Variants in ENOX2 observed in about 807,000 individuals in gnomAD.
The protein encoded by ENOX2 is ecto-NOX disulfide-thiol exchanger 2.
A neutral mutation model predicts 45.0 loss-of-function variants in ENOX2; 36 were observed. The observed-to-expected ratio is 0.80, with a 90% CI of 0.61 to 1.06. The LOEUF (loss-of-function observed/expected upper bound fraction) is 1.06. ENOX2 is among the 50% of genes least tolerant of loss of function. The pLI, the probability that ENOX2 is intolerant of heterozygous loss-of-function variation, is 0.00. For synonymous variants in ENOX2, 174 were observed against 152.3 expected, an observed-to-expected ratio of 1.14 and a Z score of -1.05; for missense variants, 423 against 462.5, an observed-to-expected ratio of 0.91 and a Z score of 0.78.
chrX:130,894,415 T>C (rs897434621), intron 2 of ENOX2, among the ~76,000 whole-genome samples: 2 of 106,551 alleles, frequency 1.9e-5, no homozygotes. Flanking sequence ...ATTGTAGCTA[T>C]ATATGGAATA....
chrX:130,767,416 GA>G (rs1293786806), intron 3 of ENOX2, among the ~76,000 whole-genome samples: 2 of 111,446 alleles, frequency 1.8e-5, no homozygotes, highest in East Asian at 5.6e-4. Flanking sequence ...TCTGTCACTG[GA>G]ATATGGACAA....
intron 3 of ENOX2, among the ~76,000 whole-genome samples, chrX:130,716,395 A>G (rs1163861370): frequency 9.0e-6 from 1 of 111,249 alleles, no homozygotes; most frequent in African/African-American, 3.3e-5. Flanking sequence ...TGCTGCCAAA[A>G]CCTATTTGCT....
At position 130,763,332 on chromosome X, in the gene ENOX2, G is replaced by A. The variant is rs760233115; in HGVS notation, c.-39+20215C>T. Among the ~76,000 whole-genome samples, 5 of 111,263 alleles carry A rather than the reference G, an allele frequency of 4.5e-5. No homozygotes were observed. In the East Asian group the frequency reaches 1.4e-3, roughly 32 times the overall value. On this transcript the variant is annotated intron_variant, in intron 3 of 14. Coordinates refer to ENST00000394363, the MANE Select transcript of ENOX2 (RefSeq NM_006375.4). ...TAGTCTCCTTGTTACTGATGGGCAGGGGTGGGAGTTCCAGCTCCCCAGTAG... is the reference window on the plus strand; with the variant it reads ...TAGTCTCCTTGTTACTGATGGGCAGAGGTGGGAGTTCCAGCTCCCCAGTAG...
Position 130,667,682 on chromosome X carries a change from A to T in ENOX2, c.755T>A (p.Val252Asp). 1.7e-6 allele frequency: 2 copies of T among 1,210,576 alleles called. No homozygotes were observed. Among genetic ancestry groups the T allele is most frequent in the Non-Finnish European group, 2.2e-6 (2 of 894,703 alleles). The change falls in exon 8 of 15, where the codon GTC becomes GAC. Residue 252 changes from valine to aspartate, a missense_variant. Transcript: ENST00000394363. ...TLLTWIERGE[V>D]NRRSANNFYS... The stretch of plus-strand genomic sequence containing the variant: ...GAAGTTATTGGCGCTACGACGGTTG[A>T]CCTCTCCTCGCTCTATCCAGGTAAG...
At chrX:130,821,681 T>TA (rs1484806997) in intron 2 of ENOX2, among the ~76,000 whole-genome samples, 1 of 69,189 alleles carries the variant, frequency 1.4e-5, no homozygotes, top group African/African-American at 5.6e-5. Context: ...CCCTAAAACT[T>TA]AAAGTATAAT....
rs1424482214 is a variant in ENOX2 at position 130,724,521 on chromosome X, A to G, written c.-38-21267T>C. ...CTGTGCTTTGCAAGGAAATCTCACAAGGGAAAGGACTTTGCTTTGTTAGAG... is the reference window on the plus strand; with the variant it reads ...CTGTGCTTTGCAAGGAAATCTCACAGGGGAAAGGACTTTGCTTTGTTAGAG... On this transcript the variant is annotated intron_variant, in intron 3 of 14. Transcript: ENST00000394363. Among the ~76,000 whole-genome samples, 4 of 112,853 alleles carry G rather than the reference A, an allele frequency of 3.5e-5. No homozygotes were observed. In the East Asian group the frequency reaches 1.1e-3, roughly 31 times the overall value.
intron 2 of ENOX2, among the ~76,000 whole-genome samples, chrX:130,822,772 TATA>T (rs1569505960): frequency 1.8e-5 from 2 of 110,830 alleles, no homozygotes; most frequent in African/African-American, 3.3e-5. Context: ...AAACTTAAAG[TATA>T]ATAATAATAA....
intron 3 of ENOX2, among the ~76,000 whole-genome samples, chrX:130,709,651 A>AAAAAG (rs1242461880): frequency 9.2e-6 from 1 of 108,776 alleles, no homozygotes; most frequent in Non-Finnish European, 1.9e-5. Context: ...AAAAAAAAAA[A>AAAAAG]AAAAGAAAAG....
At chrX:130,874,244 C>G (rs1255920850) in intron 2 of ENOX2, among the ~76,000 whole-genome samples, 1 of 112,185 alleles carries the variant, frequency 8.9e-6, no homozygotes, top group African/African-American at 3.2e-5. Flanking sequence ...TTGGTAAATA[C>G]TTTGTTCCAT....
At chrX:130,746,483 A>G (rs758518142) in intron 3 of ENOX2, among the ~76,000 whole-genome samples, 1 of 111,943 alleles carries the variant, frequency 8.9e-6, no homozygotes, top group South Asian at 3.8e-4. Flanking sequence ...GGATAGTAAG[A>G]TAACAGCTGC....
At chrX:130,822,928 G>A (rs913710584) in intron 2 of ENOX2, among the ~76,000 whole-genome samples, 1 of 112,015 alleles carries the variant, frequency 8.9e-6, no homozygotes, top group Non-Finnish European at 1.9e-5. Context: ...TGCTAGATTA[G>A]GTATATTAAA....
rs73635932 is a variant in ENOX2 at position 130,632,933 on chromosome X, T to A, written c.1420-1357A>T. Among the ~76,000 whole-genome samples the A allele has an allele frequency of 5.1e-3, 569 of 112,378 alleles. 5 individuals are homozygous for A. The highest frequency in any genetic ancestry group is 0.018 in the African/African-American group (542 of 30,946). Reference sequence around the variant, plus strand: ...CTTCTGACCCCCTTAAAACATTAAATGATACGGTAAGCCGTTTCTTAAGTG... The same window carrying A: ...CTTCTGACCCCCTTAAAACATTAAAAGATACGGTAAGCCGTTTCTTAAGTG... On this transcript the variant is annotated intron_variant, in intron 12 of 14. Transcript: ENST00000394363.
rs769726312 is a variant in ENOX2 at position 130,625,654 on chromosome X, C to T, written c.1615-209G>A. On this transcript the variant is annotated intron_variant, in intron 14 of 14. Transcript: ENST00000394363. ...TGCTGTGACCATCAGACAGGGTCTG[C>T]TGAGTTGCTATTGGAAAGAGCTGGG... is the stretch of plus-strand genomic sequence containing the variant. 1.7e-4 allele frequency among the ~76,000 whole-genome samples: 19 copies of T among 111,577 alleles called. 1 individual carries two copies. The South Asian group carries it at 6.8e-3, about 40-fold the overall frequency.
chrX:130,887,276 C>T (rs181086299), intron 2 of ENOX2, among the ~76,000 whole-genome samples: 295 of 111,526 alleles, frequency 2.6e-3, no homozygotes, highest in Middle Eastern at 4.6e-3. Flanking sequence ...TGTATCCTAT[C>T]GTGAGTTATT....
In ENOX2 at chrX:130,874,411, C is replaced by A. The variant is rs753415206; in HGVS notation, c.-183+27273G>T. Reference sequence around the variant, plus strand: ...TAAGCCATCATCACAGGGTTGGCAGCACAGGTAATCACAACAGTGGAGGGG... The same window carrying A: ...TAAGCCATCATCACAGGGTTGGCAGAACAGGTAATCACAACAGTGGAGGGG... On this transcript the variant is annotated intron_variant, in intron 2 of 14. Transcript: ENST00000394363. Among the ~76,000 whole-genome samples, 131 of 111,931 alleles carry A rather than the reference C, an allele frequency of 1.2e-3. 1 individual carries two copies. The highest frequency in any genetic ancestry group is 1.7e-3 in the Non-Finnish European group (92 of 53,189).
intron 3 of ENOX2, among the ~76,000 whole-genome samples, chrX:130,759,902 C>T (rs1054641093): frequency 2.2e-4 from 24 of 110,789 alleles, no homozygotes; most frequent in Non-Finnish European, 4.5e-4. Flanking sequence ...TCATGAGTAC[C>T]GACATATTTA....
chrX:130,745,580 C>T (rs1317324449), intron 3 of ENOX2, among the ~76,000 whole-genome samples: 3 of 112,043 alleles, frequency 2.7e-5, no homozygotes, highest in Non-Finnish European at 5.6e-5. Context: ...GTAAAAAGTG[C>T]TCCTCTTCTT....
intron 3 of ENOX2, among the ~76,000 whole-genome samples, chrX:130,704,496 C>T (rs887101106): frequency 9.0e-6 from 1 of 111,041 alleles, no homozygotes; most frequent in Non-Finnish European, 1.9e-5. Flanking sequence ...GGGAAATTTT[C>T]CTCTGACTAC....
intron 5 of ENOX2, among the ~76,000 whole-genome samples, chrX:130,680,898 A>G (rs1400372651): frequency 8.9e-6 from 1 of 112,304 alleles, no homozygotes; most frequent in African/African-American, 3.2e-5. Context: ...GGGTATCAGG[A>G]TCTCTAGCTT....
Sources: gnomAD v4.1 joint callset for allele counts (sites outside exome capture counted in the v4.1 genomes callset) on GRCh38, gnomAD v4.1.1 for gene constraint, MANE v1.5 for transcripts, NCBI Gene and HGNC (gene_info 2026-07-23, HGNC 2026-07-21) for gene names.